The following WNT6 variants were observed in gnomAD, a reference collection of about 807,000 sequenced individuals.
The protein encoded by WNT6 is Wnt family member 6, also known as protein Wnt-6.
WNT6 carries 27 observed loss-of-function variants against 33.1 expected under a neutral mutation model. The ratio of observed to expected loss-of-function variants is 0.82; its 90% CI spans 0.60 to 1.12. The LOEUF (loss-of-function observed/expected upper bound fraction) is 1.12, where lower values mean the gene tolerates loss of function less well. WNT6 is among the 50% of genes most tolerant of loss of function. The probability of loss-of-function intolerance (pLI) is 0.00; values close to 1 mark genes in which losing one functional copy is unlikely to be tolerated. For synonymous variants in WNT6, 249 were observed against 242.8 expected, an observed-to-expected ratio of 1.03 and a Z score of -0.24; for missense variants, 494 against 535.3, an observed-to-expected ratio of 0.92 and a Z score of 0.76.
At chr2:218,869,117 C>T (rs1315997187) in intron 1 of WNT6, among the ~76,000 whole-genome samples, 12 of 152,190 alleles carry the variant, frequency 7.9e-5, no homozygotes, top group Middle Eastern at 6.8e-3. Context: ...GTCTTAAGCA[C>T]GCAGGAAGGA....
chr2:218,862,903 C>T (rs1944322084), intron 1 of WNT6, among the ~76,000 whole-genome samples: 1 of 151,980 alleles, frequency 6.6e-6, no homozygotes, highest in Admixed American at 6.6e-5. Flanking sequence ...CGAGGTTTCA[C>T]CATGTTGGTC....
intron 1 of WNT6, among the ~76,000 whole-genome samples, chr2:218,860,712 C>A (rs898414369): frequency 6.6e-6 from 1 of 152,174 alleles, no homozygotes; most frequent in Non-Finnish European, 1.5e-5. Flanking sequence ...CCCTTCCAGA[C>A]CTGGGGGTCA....
chr2:218,862,549 T>C (rs1478403315), intron 1 of WNT6, among the ~76,000 whole-genome samples: 1 of 151,922 alleles, frequency 6.6e-6, no homozygotes, highest in Admixed American at 6.6e-5. Flanking sequence ...CCATGTTTAG[T>C]AGAGGTTTCA....
intron 1 of WNT6, 129 bp downstream of exon 1, chr2:218,860,246 C>T (rs941833062): frequency 7.8e-6 from 7 of 900,926 alleles, no homozygotes; most frequent in Non-Finnish European, 1.1e-5. Flanking sequence ...TGGCCTCGGC[C>T]GGGGGCGTTT....
Position 218,871,874 on chromosome 2 carries a change from G to A in WNT6, c.636+55G>A. The stretch of plus-strand genomic sequence containing the variant: ...TGCGGAAATGTGAGTGTGCGCGCAG[G>A]AGTGTGCTTGAGGAAGTGTTGGCAG... On this transcript the variant is annotated intron_variant, in intron 3 of 3. Coordinates refer to ENST00000233948, the MANE Select transcript of WNT6 (RefSeq NM_006522.4). The surrounding 1 kb of genome is among the most constrained non-coding windows in gnomAD (Gnocchi z 6.4). 6.9e-7 allele frequency: 1 copy of A among 1,457,088 alleles called. No homozygotes were observed. Among genetic ancestry groups the A allele is most frequent in the Non-Finnish European group, 9.2e-7 (1 of 1,092,776 alleles). 90.3% of individuals were successfully genotyped at this position (1,457,088 alleles called of 1,614,324 possible).
Position 218,874,154 on chromosome 2 carries a change from T to C in WNT6, c.*309T>C, listed in dbSNP as rs1944433451. 5.4e-6 allele frequency: 2 copies of C among 371,600 alleles called. No individual in the cohort carries two copies. Among genetic ancestry groups the C allele is most frequent in the African/African-American group, 4.2e-5 (2 of 47,514 alleles). The allele number at this position is 371,600 out of a possible 1,614,324, so 23.0% of individuals were successfully genotyped here. ...CTGGAAAAAAGCCAGTCTAAAGGCC[T>C]CTGGATACTGGGCTCCCCAGAACTG... is the stretch of plus-strand genomic sequence containing the variant. On this transcript the variant is annotated 3_prime_UTR_variant, in exon 4 of 4. Transcript: ENST00000233948.
At position 218,859,967 on chromosome 2, in the gene WNT6, G is replaced by A; in HGVS notation, c.-71G>A. On this transcript the variant is annotated 5_prime_UTR_variant, in exon 1 of 4. Transcript: ENST00000233948. ...CTCGCCGCGCTCGCACTGAAGCCCG[G>A]GCCCTCGCGCGCCGCGGTTCGCCCC... The A allele has an allele frequency of 8.1e-7, 1 of 1,229,938 alleles. No individual in the cohort carries two copies. Among genetic ancestry groups the A allele is most frequent in the Non-Finnish European group, 1.0e-6 (1 of 976,190 alleles). The allele number at this position is 1,229,938 out of a possible 1,614,324, so 76.2% of individuals were successfully genotyped here. A position where few individuals can be genotyped will look rare whatever the true frequency, so the allele number is the denominator to read the frequency against.
rs536003726 is a variant in WNT6 at position 218,874,059 on chromosome 2, G to A, written c.*214G>A. 27 of 560,872 alleles carry A rather than the reference G, an allele frequency of 4.8e-5. No individual in the cohort carries two copies. In the South Asian group the frequency reaches 4.9e-4, roughly 10 times the overall value. The allele number at this position is 560,872 out of a possible 1,614,324, so 34.7% of individuals were successfully genotyped here. A position where few individuals can be genotyped will look rare whatever the true frequency, so the allele number is the denominator to read the frequency against. ...GCCAGACGGCCCCGAAAAGGCGCTCGGGGAGCGTTTAAAGGACACTGTACA... is the reference window on the plus strand; with the variant it reads ...GCCAGACGGCCCCGAAAAGGCGCTCAGGGAGCGTTTAAAGGACACTGTACA... On this transcript the variant is annotated 3_prime_UTR_variant, in exon 4 of 4. Coordinates refer to ENST00000233948, the MANE Select transcript of WNT6 (RefSeq NM_006522.4).
Position 218,871,823 on chromosome 2 carries a change from C to A in WNT6, c.636+4C>A, listed in dbSNP as rs756054090. Reference sequence around the variant, plus strand: ...CAACAACGAGGCGGGCAGGCTGGTGCGTACGGGCAGGATGGAGTGAGTGTG... The same window carrying A: ...CAACAACGAGGCGGGCAGGCTGGTGAGTACGGGCAGGATGGAGTGAGTGTG... On this transcript the variant is annotated splice_donor_region_variant and intron_variant, in intron 3 of 3. Coordinates refer to ENST00000233948, the MANE Select transcript of WNT6 (RefSeq NM_006522.4). This position sits in a 1 kb window ranked among gnomAD's most constrained non-coding sequence, Gnocchi z 6.4. 2 of 1,579,280 alleles carry A rather than the reference C, an allele frequency of 1.3e-6. No individual in the cohort carries two copies. The highest frequency in any genetic ancestry group is 1.7e-6 in the Non-Finnish European group (2 of 1,165,112).
chr2:218,871,161 G>C lies in WNT6; in HGVS notation c.215G>C (p.Gly72Ala), dbSNP rs748477624. 9 of 1,613,624 alleles carry C rather than the reference G, an allele frequency of 5.6e-6. No homozygotes were observed. The African/African-American group carries it at 1.1e-4, about 19-fold the overall frequency. Residue 72 changes from glycine to alanine, a missense_variant, in exon 2 of 4, where the codon GGG (glycine) becomes GCG (alanine). Transcript: ENST00000233948. The surrounding 1 kb of genome is among the most constrained non-coding windows in gnomAD (Gnocchi z 6.4). ...GAGCTAGCTCGGGGCGCCCGGCTCG[G>C]GGTGCGAGAGTGCCAGTTCCAGTTC... ...VAELARGARL[G>A]VRECQFQFRF...
intron 1 of WNT6, among the ~76,000 whole-genome samples, chr2:218,863,933 A>T (rs914714456): frequency 1.3e-5 from 2 of 152,184 alleles, no homozygotes; most frequent in Non-Finnish European, 2.9e-5. Flanking sequence ...TGAATTACAG[A>T]ATCCCAGATT....
rs565352577 is a variant in WNT6 at position 218,867,511 on chromosome 2, G to A, written c.81-3516G>A. On this transcript the variant is annotated intron_variant, in intron 1 of 3. Transcript: ENST00000233948. The surrounding 1 kb of genome is among the most constrained non-coding windows in gnomAD (Gnocchi z 4.9). ...TGGTCCTTGGTAGAGAGACCTTGGC[G>A]CAGGCCAAGCCGGTTAGAATGACCA... Among the ~76,000 whole-genome samples, 2 of 152,198 alleles carry A rather than the reference G, an allele frequency of 1.3e-5. No homozygotes were observed. The highest frequency in any genetic ancestry group is 1.9e-4 in the East Asian group (1 of 5,202).
In WNT6 at chr2:218,874,083, C is replaced by T; in HGVS notation, c.*238C>T. 2.1e-6 allele frequency: 1 copy of T among 482,746 alleles called. No individual in the cohort carries two copies. Among genetic ancestry groups the T allele is most frequent in the South Asian group, 4.4e-5 (1 of 22,866 alleles). 29.9% of individuals were successfully genotyped at this position (482,746 alleles called of 1,614,324 possible). The stretch of plus-strand genomic sequence containing the variant: ...CGGGGAGCGTTTAAAGGACACTGTA[C>T]AGGCCCTCCCTCCCCTTGGCCTCTA... On this transcript the variant is annotated 3_prime_UTR_variant, in exon 4 of 4. Coordinates refer to ENST00000233948, the MANE Select transcript of WNT6 (RefSeq NM_006522.4).
intron 3 of WNT6, among the ~76,000 whole-genome samples, chr2:218,872,775 C>G (rs1299955587): frequency 1.3e-5 from 2 of 152,168 alleles, no homozygotes; most frequent in African/African-American, 4.8e-5. Context: ...CCCTCCTGCA[C>G]CCCATGCCTC....
intron 1 of WNT6, 58 bp downstream of exon 1, chr2:218,860,175 C>T: frequency 6.9e-7 from 1 of 1,438,874 alleles, no homozygotes. Flanking sequence ...CCCCGGGACC[C>T]AGGACAGACT....
rs1201541980 is a variant in WNT6 at position 218,867,591 on chromosome 2, A to AT, written c.81-3429dup. On this transcript the variant is annotated intron_variant, in intron 1 of 3. Transcript: ENST00000233948. The surrounding 1 kb of genome is among the most constrained non-coding windows in gnomAD (Gnocchi z 4.9). ...ACTGATTTCTTTTAGGGCTAGCCTC[A>AT]TTTTTTTCTATGCCCAGGAATGGCT... Among the ~76,000 whole-genome samples, 2 of 152,022 alleles carry AT rather than the reference A, an allele frequency of 1.3e-5. No homozygotes were observed. Among genetic ancestry groups the AT allele is most frequent in the Non-Finnish European group, 2.9e-5 (2 of 67,998 alleles).
chr2:218,871,166 C>A lies in WNT6; in HGVS notation c.220C>A (p.Arg74=). The part of the protein sequence containing the change: ...ELARGARLGV[R]ECQFQFRFRR... ...AGCTCGGGGCGCCCGGCTCGGGGTGCGAGAGTGCCAGTTCCAGTTCCGCTT... is the reference window on the plus strand; with the variant it reads ...AGCTCGGGGCGCCCGGCTCGGGGTGAGAGAGTGCCAGTTCCAGTTCCGCTT... The change falls in exon 2 of 4, where the codon CGA becomes AGA. Residue 74 remains arginine, a synonymous_variant. Coordinates refer to ENST00000233948, the MANE Select transcript of WNT6 (RefSeq NM_006522.4). The surrounding 1 kb of genome is among the most constrained non-coding windows in gnomAD (Gnocchi z 6.4). 2.5e-6 allele frequency: 4 copies of A among 1,613,718 alleles called. No individual in the cohort carries two copies. The highest frequency in any genetic ancestry group is 3.4e-6 in the Non-Finnish European group (4 of 1,179,938).
At position 218,871,732 on chromosome 2, in the gene WNT6, G is replaced by A. The variant is rs769411701; in HGVS notation, c.549G>A (p.Ser183=). 6.3e-7 allele frequency: 1 copy of A among 1,599,702 alleles called. No individual in the cohort carries two copies. Among genetic ancestry groups the A allele is most frequent in the Non-Finnish European group, 8.5e-7 (1 of 1,174,210 alleles). Residue 183 remains serine (S), a synonymous_variant, in exon 3 of 4, where the codon TCG becomes TCA. Transcript: ENST00000233948. This position sits in a 1 kb window ranked among gnomAD's most constrained non-coding sequence, Gnocchi z 6.4. ...ACGTGGACTTCGGGGACGAGAAGTC[G>A]AGGCTCTTTATGGACGCGCGGCACA... The part of the protein sequence containing the change: ...GDDVDFGDEK[S]RLFMDARHKR...
chr2:218,862,693 G>T (rs1944320384), intron 1 of WNT6, among the ~76,000 whole-genome samples: 1 of 145,716 alleles, frequency 6.9e-6, no homozygotes, highest in Non-Finnish European at 1.5e-5. Context: ...ACCATGCCCA[G>T]CCTATTTTAC....
Sources: allele counts gnomAD v4.1 joint callset (sites outside exome capture counted in the v4.1 genomes callset), GRCh38; gene constraint gnomAD v4.1.1; non-coding constraint Gnocchi (gnomAD v3.1); transcripts MANE v1.5; gene names NCBI Gene and HGNC (gene_info 2026-07-23, HGNC 2026-07-21).